Variants in TARDBP observed in about 807,000 individuals in gnomAD.
The protein encoded by TARDBP is TAR DNA-binding protein 43.
Under a neutral mutation model 38.3 loss-of-function variants are expected in TARDBP, and 4 were observed. That is an observed-to-expected ratio of 0.10 (90% confidence interval 0.05 to 0.24). TARDBP has a LOEUF of 0.24. Ranked by LOEUF, TARDBP falls within the 10% of genes least tolerant of loss-of-function variation. The pLI is 1.00. For synonymous variants in TARDBP, 184 were observed against 183.8 expected, an observed-to-expected ratio of 1.00 and a Z score of -0.01; for missense variants, 202 against 521.9, an observed-to-expected ratio of 0.39 and a Z score of 5.97.
At position 11,022,868 on chromosome 1, in the gene TARDBP, T is replaced by C. The variant is rs557787340; in HGVS notation, c.*214T>C. On this transcript the variant is annotated 3_prime_UTR_variant, in exon 6 of 6. Coordinates refer to ENST00000240185, the MANE Select transcript of TARDBP (RefSeq NM_007375.4). The surrounding 1 kb of genome is among the most constrained non-coding windows in gnomAD (Gnocchi z 4.5). ...TTTTGTTACATGAAAGGTTGAAATA[T>C]TGAGTGGTTGAAAGTGAACTGCTGT... The C allele has an allele frequency of 2.5e-4, 348 of 1,370,600 alleles. No individual in the cohort carries two copies. Among genetic ancestry groups the C allele is most frequent in the Non-Finnish European group, 2.9e-4 (304 of 1,063,858 alleles). The allele number at this position is 1,370,600 out of a possible 1,614,324, so 84.9% of individuals were successfully genotyped here. A position where few individuals can be genotyped will look rare whatever the true frequency, so the allele number is the denominator to read the frequency against.
At chr1:11,027,104 A>C (rs760331990), downstream of TARDBP, 19 of 1,608,220 alleles carry the variant, frequency 1.2e-5, no homozygotes, top group Admixed American at 1.7e-5. Flanking sequence ...AAAGCATGTT[A>C]GCAGTTACAC....
rs766116483 is a variant in TARDBP, at chr1:11,017,003, T to G, written c.398T>G (p.Val133Gly). Residue 133 changes from valine to glycine, a missense_variant, in exon 3 of 6, where the codon GTG becomes GGG. By Grantham distance (109) the Val-to-Gly change is moderately radical. Transcript: ENST00000240185. ...AGTACCTTTGGAGAAGTTCTTATGGTGCAGGTAAACTTCGATTGCATCAAA... is the reference window on the plus strand; with the variant it reads ...AGTACCTTTGGAGAAGTTCTTATGGGGCAGGTAAACTTCGATTGCATCAAA... ...YFSTFGEVLM[V>G]QVKKDLKTGH... is the part of the protein sequence containing the mutation. 6.2e-7 allele frequency: 1 copy of G among 1,614,116 alleles called. No homozygotes were observed. Among genetic ancestry groups the G allele is most frequent in the Non-Finnish European group, 8.5e-7 (1 of 1,180,022 alleles).
intron 4 of TARDBP, among the ~76,000 whole-genome samples, chr1:11,019,469 A>G (rs1249724657): frequency 6.6e-6 from 1 of 152,180 alleles, no homozygotes; most frequent in Non-Finnish European, 1.5e-5. Context: ...TGTTGAGTAC[A>G]GTAACTTGAA....
chr1:11,026,797 AATG>A (rs1411931127), downstream of TARDBP: 8 of 1,158,822 alleles, frequency 6.9e-6, no homozygotes, highest in Non-Finnish European at 8.3e-6. Context: ...TGTCCACAGT[AATG>A]ATGAATGCTT....
intron 5 of TARDBP, among the ~76,000 whole-genome samples, chr1:11,020,939 T>C (rs997397634): frequency 6.6e-6 from 1 of 152,010 alleles, no homozygotes; most frequent in African/African-American, 2.4e-5. Context: ...CCCAGGTAAT[T>C]AGGTAATTTC....
chr1:11,022,016 T>G lies in TARDBP; in HGVS notation c.715-108T>G. 7.5e-7 allele frequency: 1 copy of G among 1,324,704 alleles called. No individual in the cohort carries two copies. 82.1% of individuals were successfully genotyped at this position (1,324,704 alleles called of 1,614,324 possible). On this transcript the variant is annotated intron_variant, in intron 5 of 5. Coordinates refer to ENST00000240185, the MANE Select transcript of TARDBP (RefSeq NM_007375.4). The surrounding 1 kb of genome is among the most constrained non-coding windows in gnomAD (Gnocchi z 4.5). ...GAAATGAGTGTTCATTGCTTATTTT[T>G]CCTCTGGCTTTAGATAAATTAATGC...
At position 11,024,469 on chromosome 1, in the gene TARDBP, T is replaced by C. The variant is rs996425430; in HGVS notation, c.*1815T>C. 3 of 152,516 alleles carry C rather than the reference T, an allele frequency of 2.0e-5. No individual in the cohort carries two copies. The highest frequency in any genetic ancestry group is 4.8e-5 in the African/African-American group (2 of 41,406). The allele number at this position is 152,516 out of a possible 1,614,324, so 9.4% of individuals were successfully genotyped here. A position where few individuals can be genotyped will look rare whatever the true frequency, so the allele number is the denominator to read the frequency against. On this transcript the variant is annotated 3_prime_UTR_variant, in exon 6 of 6. Coordinates refer to ENST00000240185, the MANE Select transcript of TARDBP (RefSeq NM_007375.4). ...TTCTTATTTGGGGGAGTGGGCAAAATGTTGATTATTTTCTAATGCTTTGTA... is the reference window on the plus strand; with the variant it reads ...TTCTTATTTGGGGGAGTGGGCAAAACGTTGATTATTTTCTAATGCTTTGTA...
chr1:11,016,757 T>TG (rs1281743037), intron 2 of TARDBP, 87 bp from the exon 3 acceptor site: 1 of 1,380,254 alleles, frequency 7.2e-7, no homozygotes, highest in African/African-American at 1.4e-5. Flanking sequence ...GTCTTCTTTT[T>TG]GCTTCTCATT....
chr1:11,027,571 G>T, downstream of TARDBP: 1 of 1,614,138 alleles, frequency 6.2e-7, no homozygotes, highest in Non-Finnish European at 8.5e-7. Context: ...ATCAGGACTT[G>T]CCAAGGAAAA....
At position 11,022,093 on chromosome 1, in the gene TARDBP, C is replaced by T. The variant is rs199868223; in HGVS notation, c.715-31C>T. 97 of 1,613,188 alleles carry T rather than the reference C, an allele frequency of 6.0e-5. 1 individual carries two copies. In the Middle Eastern group the frequency reaches 1.3e-3, roughly 22 times the overall value. Reference sequence around the variant, plus strand: ...TAAATATATGAATCAGTGGTTTAATCTTCTTTGTTTACATCCCTTATTTCT... The same window carrying T: ...TAAATATATGAATCAGTGGTTTAATTTTCTTTGTTTACATCCCTTATTTCT... On this transcript the variant is annotated intron_variant, in intron 5 of 5. Coordinates refer to ENST00000240185, the MANE Select transcript of TARDBP (RefSeq NM_007375.4). The surrounding 1 kb of genome is among the most constrained non-coding windows in gnomAD (Gnocchi z 4.5).
intron 1 of TARDBP, among the ~76,000 whole-genome samples, 156 bp downstream of exon 1, chr1:11,012,899 C>T (rs867280257): frequency 3.3e-5 from 5 of 152,202 alleles, no homozygotes; most frequent in Non-Finnish European, 5.9e-5. Flanking sequence ...GCGGGAGCGT[C>T]GTTAGGTCCT....
At chr1:11,028,436 A>G (rs1251210671), downstream of TARDBP, among the ~76,000 whole-genome samples, 7 of 152,366 alleles carry the variant, frequency 4.6e-5, no homozygotes, top group African/African-American at 1.4e-4. Context: ...CAAATGTTTT[A>G]GAAATTAGAA....
downstream of TARDBP, among the ~76,000 whole-genome samples, chr1:11,028,697 GTTTT>G (rs1208974169): frequency 1.4e-4 from 5 of 36,164 alleles, no homozygotes; most frequent in African/African-American, 2.6e-4. Flanking sequence ...ATCTTTCTGG[GTTTT>G]TTTTCTTTTT....
chr1:11,030,234 C>G, downstream of TARDBP: 1 of 1,613,494 alleles, frequency 6.2e-7, no homozygotes, highest in South Asian at 1.1e-5. Flanking sequence ...ATCCATCAGC[C>G]TCACACACAT....
chr1:11,027,862 A>C (rs1206458260), downstream of TARDBP, among the ~76,000 whole-genome samples: 2 of 152,246 alleles, frequency 1.3e-5, no homozygotes, highest in Non-Finnish European at 2.9e-5. Flanking sequence ...AGCTCCTCAG[A>C]AAATGAGATT....
intron 3 of TARDBP, among the ~76,000 whole-genome samples, chr1:11,017,497 G>A (rs115577705): frequency 1.1e-3 from 162 of 152,060 alleles, no homozygotes; most frequent in Non-Finnish European, 1.9e-3. Flanking sequence ...CACCGCGCCC[G>A]GCCACATTCT....
At chr1:11,027,444 G>A (rs867839180), downstream of TARDBP, 12 of 1,614,044 alleles carry the variant, frequency 7.4e-6, no homozygotes, top group Non-Finnish European at 7.6e-6. Context: ...TCTTTTCAGG[G>A]TGCCCATTCG....
chr1:11,018,341 A>AATCTTTG (rs138627759), intron 3 of TARDBP: 198,362 of 287,470 alleles, frequency 0.69, 74,510 homozygotes, highest in Non-Finnish European at 0.81. Context: ...GGTGCATGCC[A>AATCTTTG]CTACACCTGG....
chr1:11,020,750 C>CAAA, intron 5 of TARDBP, 151 bp downstream of exon 5: 12 of 501,264 alleles, frequency 2.4e-5, no homozygotes, highest in Non-Finnish European at 4.1e-5. Flanking sequence ...TATTAAAATA[C>CAAA]AAAAAAAAAA....
Sources: allele counts gnomAD v4.1 joint callset (sites outside exome capture counted in the v4.1 genomes callset), GRCh38; gene constraint gnomAD v4.1.1; non-coding constraint Gnocchi (gnomAD v3.1); transcripts MANE v1.5; gene names NCBI Gene and HGNC (gene_info 2026-07-23, HGNC 2026-07-21).